The following ZNF185 variants were observed in gnomAD, a reference collection of about 807,000 sequenced individuals.
The protein encoded by ZNF185 is zinc finger protein 185 with LIM domain, also known as zinc finger protein 185.
Under a neutral mutation model 58.6 loss-of-function variants are expected in ZNF185, and 56 were observed. That is an observed-to-expected ratio of 0.95 (90% CI 0.77 to 1.19). The LOEUF (loss-of-function observed/expected upper bound fraction) is 1.19. ZNF185 is among the 50% of genes most tolerant of loss of function. ZNF185 has a pLI of 0.00. For missense variants in ZNF185, 627 were observed against 573.5 expected (o/e 1.09, Z -0.95); for synonymous variants, 230 against 215.9 (o/e 1.07, Z -0.57).
In ZNF185 at chrX:152,938,623, G is replaced by T. The variant is rs781897098; in HGVS notation, c.1211+460G>T. ...TCCTTGTTGGGGAGTGCTGGAAGAG[G>T]AGGCTCAGTGAACTAGGTAGGGCTT... is the stretch of plus-strand genomic sequence containing the variant. On this transcript the variant is annotated intron_variant, in intron 15 of 22. Coordinates refer to ENST00000449285, the Ensembl canonical transcript of ZNF185. 9.0e-5 allele frequency among the ~76,000 whole-genome samples: 10 copies of T among 111,246 alleles called. No individual in the cohort carries two copies. The South Asian group carries it at 3.8e-3, about 43-fold the overall frequency.
exon 7 of ZNF185, chrX:152,919,055 A>C: frequency 8.3e-7 from 1 of 1,209,079 alleles, no homozygotes; most frequent in East Asian, 3.0e-5. Flanking sequence ...AGGTGGTGCC[A>C]TTCTCCTCAG....
chrX:152,944,969 G>A (rs1208200011), intron 15 of ZNF185, among the ~76,000 whole-genome samples: 1 of 112,864 alleles, frequency 8.9e-6, no homozygotes, highest in Non-Finnish European at 1.9e-5. Context: ...ACTCCAGCCT[G>A]GGCGACAGAG....
intron 15 of ZNF185, 147 bp downstream of exon 17, chrX:152,938,310 G>T: frequency 2.0e-6 from 1 of 499,400 alleles, no homozygotes; most frequent in Non-Finnish European, 3.2e-6. Flanking sequence ...GCCCCAACCA[G>T]AACCCTCTGG....
intron 11 of ZNF185, among the ~76,000 whole-genome samples, 186 bp from the exon 13 acceptor site, chrX:152,928,389 G>A (rs1482036955): frequency 8.9e-6 from 1 of 112,429 alleles, no homozygotes; most frequent in Non-Finnish European, 1.9e-5. Flanking sequence ...GTGGGAGACC[G>A]GGGAAGGGGC....
chrX:152,898,129 C>CCCGCGCCCCGCGCT, the ZNF185 span, among the ~76,000 whole-genome samples: 1 of 109,524 alleles, frequency 9.1e-6, no homozygotes, highest in Admixed American at 9.5e-5. Flanking sequence ...CGCCCCGCGC[C>CCCGCGCCCCGCGCT]TGCCTCCCCG....
chrX:152,955,629 C>A, intron 16 of ZNF185, among the ~76,000 whole-genome samples: 1 of 112,618 alleles, frequency 8.9e-6, no homozygotes. Flanking sequence ...CTTGGCTGGG[C>A]GTGGTGGCTC....
intron 8 of ZNF185, 135 bp from the exon 10 acceptor site, chrX:152,920,572 A>G: frequency 1.0e-6 from 1 of 965,884 alleles, no homozygotes; most frequent in African/African-American, 1.9e-5. Flanking sequence ...GAAAATGGAG[A>G]GGTCTGGCGG....
chrX:152,934,278 G>A (rs2046013124), intron 14 of ZNF185, among the ~76,000 whole-genome samples: 1 of 112,215 alleles, frequency 8.9e-6, no homozygotes, highest in Non-Finnish European at 1.9e-5. Flanking sequence ...CCACAGTGGT[G>A]CAGCTTGACT....
the ZNF185 span, among the ~76,000 whole-genome samples, chrX:152,900,834 A>G: frequency 1.8e-5 from 2 of 112,683 alleles, no homozygotes; most frequent in South Asian, 7.3e-4. Flanking sequence ...ACCCCAGCTC[A>G]GCCACCATCC....
chrX:152,938,474 C>G (rs892859150), intron 15 of ZNF185, among the ~76,000 whole-genome samples: 1 of 112,137 alleles, frequency 8.9e-6, no homozygotes, highest in Non-Finnish European at 1.9e-5. Flanking sequence ...CCTCTGCCCT[C>G]CAGGAACTCT....
intron 19 of ZNF185, among the ~76,000 whole-genome samples, chrX:152,965,999 T>C (rs1199427350): frequency 2.7e-5 from 3 of 109,904 alleles, no homozygotes; most frequent in Admixed American, 9.8e-5. Context: ...AATTAATTAG[T>C]TAATTAATTT....
intron 5 of ZNF185, 142 bp from the exon 7 acceptor site, chrX:152,917,923 G>T: frequency 9.0e-7 from 1 of 1,106,782 alleles, no homozygotes. Context: ...GCAGTTCCGG[G>T]TGTCTGTCAG....
At chrX:152,960,487 C>T (rs1415391766) in intron 17 of ZNF185, among the ~76,000 whole-genome samples, 2 of 112,104 alleles carry the variant, frequency 1.8e-5, no homozygotes, top group Non-Finnish European at 3.8e-5. Context: ...CAGACAACAC[C>T]AGATGCTTGT....
chrX:152,967,662 G>C (rs191873486), intron 20 of ZNF185, among the ~76,000 whole-genome samples: 123 of 112,406 alleles, frequency 1.1e-3, no homozygotes, highest in Non-Finnish European at 2.1e-4. Flanking sequence ...AAGCCAGAAA[G>C]ACACACAAAG....
rs782212312 is a variant in ZNF185, at chrX:152,928,606, ATCCTGACACC to A, written c.863_872del (p.Ile288ThrfsTer15). 8.3e-7 allele frequency: 1 copy of A among 1,211,767 alleles called. No individual in the cohort carries two copies. Among genetic ancestry groups the A allele is most frequent in the South Asian group, 1.8e-5 (1 of 56,964 alleles). ...AGGTGAGGAAATTGTCCGCCTGCAG[ATCCTGACACC>A]CAGGGCAGGACTCCGCCTGGTGGCC... On this transcript the variant is annotated frameshift_variant, in exon 12 of 23. Transcript: ENST00000449285. LOFTEE classifies it high-confidence loss of function.
At chrX:152,909,456 C>T (rs185242204), upstream of ZNF185, among the ~76,000 whole-genome samples, 1,284 of 112,163 alleles carry the variant, frequency 0.011, 18 homozygotes, top group African/African-American at 0.038. Flanking sequence ...TTGCCATGGG[C>T]TGGGGAGCCA....
intron 14 of ZNF185, among the ~76,000 whole-genome samples, chrX:152,937,720 C>G (rs782071249): frequency 8.9e-6 from 1 of 112,556 alleles, no homozygotes; most frequent in South Asian, 3.6e-4. Context: ...GTGCACCAGA[C>G]TCATTGAGTC....
chrX:152,963,122 A>G (rs1207157647), intron 17 of ZNF185, among the ~76,000 whole-genome samples: 1 of 113,030 alleles, frequency 8.8e-6, no homozygotes, highest in Non-Finnish European at 1.9e-5. Context: ...GCTGCCCAAC[A>G]TCGTGCCCTG....
chrX:152,931,610 A>G (rs1941994146), intron 12 of ZNF185, 62 bp from the exon 14 acceptor site: 4 of 1,004,211 alleles, frequency 4.0e-6, no homozygotes, highest in South Asian at 4.7e-5. Context: ...GGATGAGGTA[A>G]CAGCCCACAC....
Sources: allele counts gnomAD v4.1 joint callset (sites outside exome capture counted in the v4.1 genomes callset), GRCh38; gene constraint gnomAD v4.1.1; transcripts MANE v1.5; gene names NCBI Gene and HGNC (gene_info 2026-07-23, HGNC 2026-07-21).